Variants in SH3BGR observed in about 807,000 individuals in gnomAD.
SH3BGR encodes SH3 domain-binding glutamic acid-rich protein.
Under a neutral mutation model 24.5 loss-of-function variants are expected in SH3BGR, and 29 were observed. That is an observed-to-expected ratio of 1.18 (90% CI 0.88 to 1.61). The LOEUF is 1.61. Ranked by LOEUF, SH3BGR falls within the 40% of genes most tolerant of loss-of-function variation. The probability of loss-of-function intolerance (pLI) is 0.00; values close to 1 mark genes in which losing one functional copy is unlikely to be tolerated. For missense variants in SH3BGR, 162 were observed against 205.8 expected, an observed-to-expected ratio of 0.79 and a Z score of 1.30; for synonymous variants, 55 against 65.7, an observed-to-expected ratio of 0.84 and a Z score of 0.79.
chr21:39,468,692 AC>A (rs1284296780), intron 2 of SH3BGR, among the ~76,000 whole-genome samples: 2 of 151,152 alleles, frequency 1.3e-5, no homozygotes, highest in East Asian at 1.9e-4. Context: ...TCCTGCCTTG[AC>A]CCCCCAACGT....
upstream of SH3BGR, among the ~76,000 whole-genome samples, chr21:39,447,416 C>CTTTT (rs910615975): frequency 1.6e-4 from 18 of 114,708 alleles, no homozygotes; most frequent in East Asian, 2.3e-4. Context: ...TTCGCTTTTG[C>CTTTT]TTTTTTTTTT....
chr21:39,482,749 G>A (rs2078150426), intron 3 of SH3BGR, among the ~76,000 whole-genome samples: 2 of 151,952 alleles, frequency 1.3e-5, no homozygotes, highest in African/African-American at 4.8e-5. Flanking sequence ...AGCTCACTGC[G>A]ACCTCTGCCT....
rs1236562854 is a variant in SH3BGR at position 39,510,369 on chromosome 21, CACACACACACACACACACACACTGTAGCT to C, written c.436-1288_436-1260del. On this transcript the variant is annotated intron_variant, in intron 5 of 6. Coordinates refer to ENST00000333634, the MANE Select transcript of SH3BGR (RefSeq NM_007341.3). The stretch of plus-strand genomic sequence containing the variant: ...GAGATAACCACTGTAGCTACATACA[CACACACACACACACACACACACTGTAGCT>C]ACACACACACACACACACACACACT... 1.8e-3 allele frequency among the ~76,000 whole-genome samples: 250 copies of C among 141,880 alleles called. 4 individuals carry two copies. In the Middle Eastern group the frequency reaches 0.023, roughly 13 times the overall value. The allele number at this position is 141,880 out of a possible 152,430, so 93.1% of individuals were successfully genotyped here. A position where few individuals can be genotyped will look rare whatever the true frequency, so the allele number is the denominator to read the frequency against.
At chr21:39,467,464 C>A (rs948537828) in intron 2 of SH3BGR, among the ~76,000 whole-genome samples, 1 of 152,052 alleles carries the variant, frequency 6.6e-6, no homozygotes, top group African/African-American at 2.4e-5. Flanking sequence ...GCTTAATTTG[C>A]TTTTCTGTGG....
Position 39,454,468 on chromosome 21 carries a change from C to T in SH3BGR, c.45+2327C>T, listed in dbSNP as rs116512918. ...CAAAGAGCTGTGGCACATTTTACCA[C>T]GTTCTGGACGGATTTGGGTTAAGAG... On this transcript the variant is annotated intron_variant, in intron 1 of 6. Coordinates refer to ENST00000333634, the MANE Select transcript of SH3BGR (RefSeq NM_007341.3). Among the ~76,000 whole-genome samples the T allele has an allele frequency of 1.8e-3, 267 of 152,314 alleles. 1 individual carries two copies. Among genetic ancestry groups the T allele is most frequent in the African/African-American group, 4.5e-3 (186 of 41,562 alleles).
intron 3 of SH3BGR, among the ~76,000 whole-genome samples, chr21:39,480,680 G>A (rs774048441): frequency 5.3e-5 from 8 of 152,108 alleles, no homozygotes; most frequent in Non-Finnish European, 8.8e-5. Flanking sequence ...TTGTTTAATC[G>A]ATTTCCAATA....
intron 1 of SH3BGR, among the ~76,000 whole-genome samples, chr21:39,456,565 T>C (rs1440972252): frequency 6.6e-6 from 1 of 152,142 alleles, no homozygotes; most frequent in Non-Finnish European, 1.5e-5. Context: ...GGGTAGCAGT[T>C]TCCGTGTGGG....
At chr21:39,493,375 C>T (rs937409358) in intron 3 of SH3BGR, among the ~76,000 whole-genome samples, 1 of 152,142 alleles carries the variant, frequency 6.6e-6, no homozygotes, top group East Asian at 1.9e-4. Context: ...AATAGGGTGT[C>T]CTTTCCCCAC....
In SH3BGR at chr21:39,511,751, G is replaced by GAC; in HGVS notation, c.507_508insAC (p.Pro170ThrfsTer44). The GAC allele has an allele frequency of 2.3e-6, 3 of 1,326,550 alleles. No individual in the cohort carries two copies. Among genetic ancestry groups the GAC allele is most frequent in the Non-Finnish European group, 2.1e-6 (2 of 961,314 alleles). 82.2% of individuals were successfully genotyped at this position (1,326,550 alleles called of 1,614,324 possible). A position where few individuals can be genotyped will look rare whatever the true frequency, so the allele number is the denominator to read the frequency against. ...AGGAAGAAACTGCAGAAGGAGAAGA[G>GAC]CCTGGAGAAGACGAAGATTCCTAGG... On this transcript the variant is annotated frameshift_variant, in exon 6 of 7. Transcript: ENST00000333634. LOFTEE classifies it high-confidence loss of function. This position sits in a 1 kb window ranked among gnomAD's most constrained non-coding sequence, Gnocchi z 4.2.
intron 3 of SH3BGR, among the ~76,000 whole-genome samples, chr21:39,486,454 A>C (rs1185340750): frequency 6.6e-6 from 1 of 152,230 alleles, no homozygotes; most frequent in Admixed American, 6.5e-5. Flanking sequence ...GAGACATAAT[A>C]TACTCTGACT....
At chr21:39,495,411 T>C (rs2123480724) in intron 3 of SH3BGR, among the ~76,000 whole-genome samples, 1 of 152,316 alleles carries the variant, frequency 6.6e-6, no homozygotes, top group Non-Finnish European at 1.5e-5. Flanking sequence ...TAGTAGCAGC[T>C]ATCCTATTAC....
chr21:39,482,135 C>T (rs1262980730), intron 3 of SH3BGR, among the ~76,000 whole-genome samples: 1 of 152,204 alleles, frequency 6.6e-6, no homozygotes, highest in African/African-American at 2.4e-5. Context: ...ATTTCACCTG[C>T]ATCCAATCCA....
chr21:39,466,940 A>T lies in SH3BGR; in HGVS notation c.231+4380A>T, dbSNP rs1026379935. 2.0e-5 allele frequency among the ~76,000 whole-genome samples: 3 copies of T among 151,960 alleles called. No individual in the cohort carries two copies. The East Asian group carries it at 5.8e-4, about 29-fold the overall frequency. ...TGCAGAACTTAAATTTTTTTTGTGT[A>T]GCCAAATATATTAAATCTTTTCTCT... is the stretch of plus-strand genomic sequence containing the variant. On this transcript the variant is annotated intron_variant, in intron 2 of 6. Coordinates refer to ENST00000333634, the MANE Select transcript of SH3BGR (RefSeq NM_007341.3).
At chr21:39,469,811 C>T (rs550397904) in intron 2 of SH3BGR, among the ~76,000 whole-genome samples, 8 of 151,726 alleles carry the variant, frequency 5.3e-5, no homozygotes, top group Admixed American at 4.6e-4. Flanking sequence ...GGCGCCACCA[C>T]GCCCGGTTAA....
At position 39,467,463 on chromosome 21, in the gene SH3BGR, G is replaced by T. The variant is rs543693005; in HGVS notation, c.231+4903G>T. 2.0e-5 allele frequency among the ~76,000 whole-genome samples: 3 copies of T among 152,156 alleles called. No individual in the cohort carries two copies. In the South Asian group the frequency reaches 6.2e-4, roughly 32 times the overall value. On this transcript the variant is annotated intron_variant, in intron 2 of 6. Coordinates refer to ENST00000333634, the MANE Select transcript of SH3BGR (RefSeq NM_007341.3). Reference sequence around the variant, plus strand: ...CCTTATGAGAAGCTTTGCTTAATTTGCTTTTCTGTGGTCTATGGACACACT... The same window carrying T: ...CCTTATGAGAAGCTTTGCTTAATTTTCTTTTCTGTGGTCTATGGACACACT...
At chr21:39,451,589 T>C (rs952469980), upstream of SH3BGR, among the ~76,000 whole-genome samples, 5 of 152,216 alleles carry the variant, frequency 3.3e-5, no homozygotes, top group African/African-American at 1.2e-4. Flanking sequence ...TTCCAGTTTA[T>C]TTGTTTGCCA....
chr21:39,446,057 C>G (rs997744689), exon 1 of SH3BGR: 2 of 152,102 alleles, frequency 1.3e-5, no homozygotes, highest in Non-Finnish European at 2.9e-5. Context: ...GCTCTCCTGA[C>G]CTCTTAAGGC....
At chr21:39,509,552 G>A (rs112831834) in intron 5 of SH3BGR, among the ~76,000 whole-genome samples, 12,647 of 142,274 alleles carry the variant, frequency 0.089, 772 homozygotes, top group African/African-American at 0.18. Flanking sequence ...TCAGCTCACT[G>A]CAACCTCCGC....
intron 3 of SH3BGR, among the ~76,000 whole-genome samples, chr21:39,498,784 A>G (rs550681615): frequency 1.3e-5 from 2 of 152,162 alleles, no homozygotes; most frequent in South Asian, 2.1e-4. Context: ...CTGTCCATCT[A>G]TCATCTATCT....
Sources: gnomAD v4.1 joint callset for allele counts (sites outside exome capture counted in the v4.1 genomes callset) on GRCh38, gnomAD v4.1.1 for gene constraint, Gnocchi (gnomAD v3.1) non-coding constraint, MANE v1.5 for transcripts, NCBI Gene and HGNC (gene_info 2026-07-23, HGNC 2026-07-21) for gene names.